The following ITGA1 variants were observed in gnomAD, a reference collection of about 807,000 sequenced individuals.
ITGA1 encodes the protein integrin alpha-1.
In ITGA1, 85 loss-of-function variants were observed where a neutral mutation model predicts 145.9. The ratio of observed to expected loss-of-function variants is 0.58; its 90% CI spans 0.49 to 0.70. ITGA1 has a LOEUF of 0.70. Ranked by LOEUF, ITGA1 falls within the 30% of genes least tolerant of loss-of-function variation. The pLI is 0.00. For synonymous variants in ITGA1, 520 were observed against 495.3 expected (o/e 1.05, Z -0.66); for missense variants, 1,351 against 1,418.7 (o/e 0.95, Z 0.77).
chr5:52,900,305 A>G (rs1035577357), intron 11 of ITGA1, among the ~76,000 whole-genome samples: 1 of 152,210 alleles, frequency 6.6e-6, no homozygotes, highest in African/African-American at 2.4e-5. Context: ...TTATCTTCCT[A>G]TATAATGGAT....
rs893180877 is a variant in ITGA1, at chr5:52,929,544, G to T, written c.2695-81G>T. On this transcript the variant is annotated intron_variant, in intron 20 of 28. Coordinates refer to ENST00000282588, the MANE Select transcript of ITGA1 (RefSeq NM_181501.2). ...AAATAACTTCATAATTTGAGTTTAG[G>T]TAATGTCATTTATGGAAATTGAATA... 8.6e-5 allele frequency: 61 copies of T among 711,692 alleles called. No individual in the cohort carries two copies. In the African/African-American group the frequency reaches 9.4e-4, roughly 11 times the overall value. The allele number at this position is 711,692 out of a possible 1,614,324, so 44.1% of individuals were successfully genotyped here. A position where few individuals can be genotyped will look rare whatever the true frequency, so the allele number is the denominator to read the frequency against.
chr5:52,800,052 A>C (rs1007076548), intron 1 of ITGA1: 1 of 315,056 alleles, frequency 3.2e-6, no homozygotes, highest in Non-Finnish European at 6.0e-6. Context: ...TGGGGACGGG[A>C]GACGTGCGTC....
intron 23 of ITGA1, among the ~76,000 whole-genome samples, chr5:52,934,980 C>T (rs1417663370): frequency 1.3e-5 from 2 of 151,846 alleles, no homozygotes; most frequent in Non-Finnish European, 2.9e-5. Flanking sequence ...TTCAGGCTAT[C>T]AGATTTCTCC....
At chr5:52,813,916 T>G (rs1385497916) in intron 1 of ITGA1, among the ~76,000 whole-genome samples, 1 of 152,208 alleles carries the variant, frequency 6.6e-6, no homozygotes, top group Admixed American at 6.5e-5. Context: ...AGCCAGCCAT[T>G]GCATTGGTAT....
chr5:52,795,540 C>T (rs903112201), intron 1 of ITGA1, among the ~76,000 whole-genome samples: 2 of 151,824 alleles, frequency 1.3e-5, no homozygotes, highest in African/African-American at 4.8e-5. Flanking sequence ...ATTCAACTCA[C>T]CAATGAGGTC....
intron 15 of ITGA1, among the ~76,000 whole-genome samples, chr5:52,917,750 T>C (rs777177180): frequency 5.9e-5 from 9 of 152,232 alleles, no homozygotes; most frequent in Middle Eastern, 3.2e-3. Flanking sequence ...AAAAAACCAC[T>C]GAGTGTACTA....
At chr5:52,793,641 T>C (rs1374775276) in intron 1 of ITGA1, among the ~76,000 whole-genome samples, 1 of 152,074 alleles carries the variant, frequency 6.6e-6, no homozygotes, top group Non-Finnish European at 1.5e-5. Context: ...AATTGTGTCA[T>C]AAGATTTTGA....
chr5:52,902,930 T>C (rs945354832), intron 11 of ITGA1: 5 of 152,104 alleles, frequency 3.3e-5, no homozygotes, highest in Non-Finnish European at 5.9e-5. Flanking sequence ...GCTTAAATAT[T>C]TATAATTATT....
intron 11 of ITGA1, among the ~76,000 whole-genome samples, chr5:52,899,723 T>C (rs747619385): frequency 7.2e-5 from 11 of 152,230 alleles, no homozygotes; most frequent in Non-Finnish European, 1.2e-4. Flanking sequence ...GTGCATTGCA[T>C]GTATTTTAGG....
intron 1 of ITGA1, among the ~76,000 whole-genome samples, chr5:52,826,703 A>G (rs1748971045): frequency 6.6e-6 from 1 of 152,232 alleles, no homozygotes; most frequent in Admixed American, 6.5e-5. Context: ...AAATCTACCT[A>G]CACTCTATAA....
chr5:52,888,797 G>T (rs1750096981), intron 8 of ITGA1, among the ~76,000 whole-genome samples: 2 of 152,296 alleles, frequency 1.3e-5, no homozygotes, highest in African/African-American at 2.4e-5. Context: ...TCATGGAACA[G>T]CAGGTGAGGG....
chr5:52,922,264 G>A (rs1054229183), intron 17 of ITGA1, among the ~76,000 whole-genome samples: 3 of 151,886 alleles, frequency 2.0e-5, no homozygotes, highest in African/African-American at 4.8e-5. Flanking sequence ...TCGTGCCGCT[G>A]TACTCCAGCC....
At chr5:52,865,558 C>A in intron 5 of ITGA1, 132 bp from the exon 6 acceptor site, 1 of 673,004 alleles carries the variant, frequency 1.5e-6, no homozygotes, top group Non-Finnish European at 2.3e-6. Context: ...TTTTTTATTG[C>A]TAAAACAATG....
chr5:52,789,196 T>A (rs1482954060), intron 1 of ITGA1, among the ~76,000 whole-genome samples: 1 of 152,162 alleles, frequency 6.6e-6, no homozygotes, highest in Non-Finnish European at 1.5e-5. Flanking sequence ...CATGGTCAGA[T>A]CTTTTTTACC....
At chr5:52,804,029 C>T (rs1748542747) in intron 1 of ITGA1, 1 of 152,064 alleles carries the variant, frequency 6.6e-6, no homozygotes, top group African/African-American at 2.4e-5. Context: ...AAATTTAACT[C>T]ATTTTTAAGA....
At chr5:52,916,933 T>C (rs1055752882) in intron 15 of ITGA1, among the ~76,000 whole-genome samples, 4 of 152,220 alleles carry the variant, frequency 2.6e-5, no homozygotes, top group African/African-American at 9.6e-5. Flanking sequence ...TTATGGCCTC[T>C]CCTGCCCCAA....
chr5:52,854,094 C>T (rs1390148974), intron 2 of ITGA1, among the ~76,000 whole-genome samples: 1 of 152,130 alleles, frequency 6.6e-6, no homozygotes, highest in Non-Finnish European at 1.5e-5. Context: ...CTGGACCTGT[C>T]TGATCTCAAA....
intron 6 of ITGA1, among the ~76,000 whole-genome samples, chr5:52,869,160 C>T (rs1749737518): frequency 1.3e-5 from 2 of 152,068 alleles, no homozygotes; most frequent in Admixed American, 6.6e-5. Flanking sequence ...TGATTCTTTT[C>T]TGTTTGTTTG....
chr5:52,809,251 TCA>T (rs1180762242), intron 1 of ITGA1, among the ~76,000 whole-genome samples: 1 of 152,116 alleles, frequency 6.6e-6, no homozygotes, highest in East Asian at 1.9e-4. Context: ...TAAAGAAAGA[TCA>T]CAGTCTCTTC....
Sources: allele counts gnomAD v4.1 joint callset (sites outside exome capture counted in the v4.1 genomes callset), GRCh38; gene constraint gnomAD v4.1.1; transcripts MANE v1.5; gene names NCBI Gene and HGNC (gene_info 2026-07-23, HGNC 2026-07-21).